Variants in CCSER1 observed in about 807,000 individuals in gnomAD.
The protein encoded by CCSER1 is coiled-coil serine rich protein 1, also known as serine-rich coiled-coil domain-containing protein 1.
CCSER1 carries 41 observed loss-of-function variants against 82.0 expected under a neutral mutation model. The observed-to-expected ratio is 0.50, with a 90% CI of 0.39 to 0.65. The LOEUF (loss-of-function observed/expected upper bound fraction) is 0.65, where lower values mean the gene tolerates loss of function less well. Among genes scored for constraint, CCSER1 ranks in the 30% least tolerant of loss-of-function variants. The probability of loss-of-function intolerance (pLI) is 0.00; values close to 1 mark genes in which losing one functional copy is unlikely to be tolerated. For synonymous variants in CCSER1, 414 were observed against 383.9 expected (o/e 1.08, Z -0.92); for missense variants, 1,119 against 1,064.2 (o/e 1.05, Z -0.72).
intron 10 of CCSER1, among the ~76,000 whole-genome samples, chr4:91,111,379 T>A (rs996433834): frequency 1.3e-5 from 2 of 151,984 alleles, no homozygotes; most frequent in East Asian, 3.9e-4. Flanking sequence ...GGTTTTAAAA[T>A]GACATTGTTA....
intron 10 of CCSER1, among the ~76,000 whole-genome samples, chr4:91,593,133 T>C (rs1345961553): frequency 1.3e-5 from 2 of 152,160 alleles, no homozygotes; most frequent in African/African-American, 4.8e-5. Context: ...TGTATTTCTG[T>C]TTTTCACCAA....
At chr4:90,636,008 TA>T (rs1422213129) in intron 6 of CCSER1, among the ~76,000 whole-genome samples, 3 of 151,512 alleles carry the variant, frequency 2.0e-5, no homozygotes, top group Non-Finnish European at 4.4e-5. Flanking sequence ...AAACAAATAA[TA>T]AGCCCAAATT....
chr4:90,730,972 GA>G (rs932287222), intron 7 of CCSER1, among the ~76,000 whole-genome samples: 13 of 151,966 alleles, frequency 8.6e-5, no homozygotes, highest in African/African-American at 2.9e-4. Context: ...AGTGTTTGTT[GA>G]AAAAAAGAAT....
intron 10 of CCSER1, among the ~76,000 whole-genome samples, chr4:91,301,288 A>G (rs190360705): frequency 1.1e-4 from 17 of 151,938 alleles, no homozygotes; most frequent in African/African-American, 4.1e-4. Context: ...CTACTGAAAT[A>G]ATAGAAAATC....
chr4:90,815,333 G>A (rs1840304), intron 7 of CCSER1, among the ~76,000 whole-genome samples: 8,867 of 152,204 alleles, frequency 0.058, 592 homozygotes, highest in African/African-American at 0.17. Flanking sequence ...TGAGATTTGG[G>A]TGGGGACACT....
rs1764858780 is a variant in CCSER1 at position 91,602,731 on chromosome 4, A to G, written c.*3674A>G. ...GAAACATATACACACAGATGAAACT[A>G]GAAAAGAAAGGGCAATACATGTGAA... On this transcript the variant is annotated 3_prime_UTR_variant, in exon 11 of 11. Transcript: ENST00000509176. 6.6e-6 allele frequency among the ~76,000 whole-genome samples: 1 copy of G among 152,092 alleles called. No homozygotes were observed. Among genetic ancestry groups the G allele is most frequent in the Non-Finnish European group, 1.5e-5 (1 of 67,956 alleles).
chr4:90,846,060 C>G (rs965253732), intron 8 of CCSER1, among the ~76,000 whole-genome samples: 1 of 152,132 alleles, frequency 6.6e-6, no homozygotes, highest in Non-Finnish European at 1.5e-5. Context: ...TGGATTTATT[C>G]TATAACAAAC....
chr4:90,516,053 A>G (rs1296563512), intron 5 of CCSER1, among the ~76,000 whole-genome samples: 1 of 152,200 alleles, frequency 6.6e-6, no homozygotes, highest in Non-Finnish European at 1.5e-5. Flanking sequence ...TGCACGTGCA[A>G]TTGCAATATT....
intron 5 of CCSER1, among the ~76,000 whole-genome samples, chr4:90,485,425 C>A (rs1271007740): frequency 6.6e-6 from 1 of 152,024 alleles, no homozygotes; most frequent in Admixed American, 6.5e-5. Flanking sequence ...GAACCTGGTA[C>A]CTCACTTGGA....
intron 10 of CCSER1, among the ~76,000 whole-genome samples, chr4:91,553,105 G>T (rs1762238178): frequency 6.6e-6 from 1 of 151,612 alleles, no homozygotes; most frequent in Non-Finnish European, 1.5e-5. Context: ...TTTTTATCAT[G>T]AAAGGATGTT....
chr4:91,054,685 A>G (rs1010310367), intron 9 of CCSER1, among the ~76,000 whole-genome samples: 1 of 148,054 alleles, frequency 6.8e-6, no homozygotes, highest in Non-Finnish European at 1.5e-5. Flanking sequence ...TGGGACAAGC[A>G]GTATCTCAGA....
chr4:91,192,109 A>G (rs1735043802), intron 10 of CCSER1, among the ~76,000 whole-genome samples: 2 of 152,198 alleles, frequency 1.3e-5, no homozygotes, highest in South Asian at 2.1e-4. Flanking sequence ...GTGACACAGG[A>G]CATTGGTCAT....
intron 5 of CCSER1, among the ~76,000 whole-genome samples, chr4:90,475,606 T>G (rs1035534850): frequency 6.6e-6 from 1 of 152,160 alleles, no homozygotes; most frequent in Admixed American, 6.5e-5. Flanking sequence ...TTAAGCAGAC[T>G]GCCCAGAAAA....
intron 9 of CCSER1, among the ~76,000 whole-genome samples, chr4:90,990,355 C>A (rs553214600): frequency 6.6e-6 from 1 of 151,908 alleles, no homozygotes; most frequent in Non-Finnish European, 1.5e-5. Flanking sequence ...TCTTAAAATA[C>A]GATGTACATA....
At chr4:90,457,031 G>A (rs559793728) in intron 4 of CCSER1, among the ~76,000 whole-genome samples, 9 of 152,298 alleles carry the variant, frequency 5.9e-5, no homozygotes, top group Non-Finnish European at 1.0e-4. Flanking sequence ...GGCATGAAGC[G>A]GTGAGGAGTG....
At chr4:90,916,665 G>C (rs910279606) in intron 8 of CCSER1, among the ~76,000 whole-genome samples, 1 of 152,136 alleles carries the variant, frequency 6.6e-6, no homozygotes, top group African/African-American at 2.4e-5. Context: ...TAAGAAATGG[G>C]ATCTAATTAA....
At chr4:90,140,347 C>G (rs943745960) in intron 1 of CCSER1, among the ~76,000 whole-genome samples, 2 of 152,122 alleles carry the variant, frequency 1.3e-5, no homozygotes, top group Admixed American at 1.3e-4. Context: ...AGTACTCACT[C>G]AAGTTTAGGA....
intron 7 of CCSER1, among the ~76,000 whole-genome samples, chr4:90,782,428 T>G (rs1181113187): frequency 7.9e-5 from 12 of 152,136 alleles, no homozygotes; most frequent in Non-Finnish European, 1.5e-4. Context: ...TATCCTCAGA[T>G]CTTATCGTTA....
chr4:91,248,985 C>T (rs1381418908), intron 10 of CCSER1, among the ~76,000 whole-genome samples: 4 of 152,178 alleles, frequency 2.6e-5, no homozygotes, highest in South Asian at 2.1e-4. Context: ...CACACTTTGC[C>T]ATAGAGCTCT....
Sources: gnomAD v4.1 joint callset for allele counts (sites outside exome capture counted in the v4.1 genomes callset) on GRCh38, gnomAD v4.1.1 for gene constraint, MANE v1.5 for transcripts, NCBI Gene and HGNC (gene_info 2026-07-23, HGNC 2026-07-21) for gene names.